Variants in CDH18 observed in about 807,000 individuals in gnomAD.
CDH18 encodes cadherin-18.
A neutral mutation model predicts 67.9 loss-of-function variants in CDH18; 31 were observed. That is an observed-to-expected ratio of 0.46 (90% confidence interval 0.34 to 0.62). CDH18 has a LOEUF of 0.62. Among genes scored for constraint, CDH18 ranks in the 20% least tolerant of loss-of-function variants. The probability of loss-of-function intolerance (pLI) is 0.01; values close to 1 mark genes in which losing one functional copy is unlikely to be tolerated. For synonymous variants in CDH18, 362 were observed against 347.2 expected, an observed-to-expected ratio of 1.04 and a Z score of -0.48; for missense variants, 890 against 975.5, an observed-to-expected ratio of 0.91 and a Z score of 1.17.
intron 1 of CDH18, among the ~76,000 whole-genome samples, chr5:20,389,464 T>C (rs570381230): frequency 6.6e-6 from 1 of 152,104 alleles, no homozygotes; most frequent in Admixed American, 6.6e-5. Flanking sequence ...GTGAGATGGG[T>C]TTCCTGAATA....
intron 2 of CDH18, among the ~76,000 whole-genome samples, chr5:20,214,494 G>C (rs576159184): frequency 6.6e-6 from 1 of 151,886 alleles, no homozygotes; most frequent in Admixed American, 6.6e-5. Flanking sequence ...AACATACATA[G>C]ACCAATGGAA....
At chr5:20,049,510 A>C (rs557480557) in intron 2 of CDH18, among the ~76,000 whole-genome samples, 1 of 151,890 alleles carries the variant, frequency 6.6e-6, no homozygotes, top group South Asian at 2.1e-4. Context: ...TAAAACGTAC[A>C]TAAAATGTTA....
At chr5:19,651,528 G>C (rs115428795) in intron 5 of CDH18, among the ~76,000 whole-genome samples, 1 of 152,008 alleles carries the variant, frequency 6.6e-6, no homozygotes, top group African/African-American at 2.4e-5. Flanking sequence ...TGTCAAAGAA[G>C]ACGTTAAGGG....
intron 2 of CDH18, among the ~76,000 whole-genome samples, chr5:20,206,532 A>C (rs150211507): frequency 6.6e-6 from 1 of 152,024 alleles, no homozygotes; most frequent in Non-Finnish European, 1.5e-5. Context: ...ACAAGAAAAA[A>C]GAAAAGTATA....
At chr5:19,770,759 T>C (rs1022513079) in intron 3 of CDH18, among the ~76,000 whole-genome samples, 27 of 152,232 alleles carry the variant, frequency 1.8e-4, no homozygotes, top group African/African-American at 5.8e-4. Flanking sequence ...AGAATTGCTA[T>C]GTACTCTTTT....
intron 5 of CDH18, among the ~76,000 whole-genome samples, chr5:19,679,322 C>G (rs1038324436): frequency 6.6e-6 from 1 of 151,834 alleles, no homozygotes; most frequent in South Asian, 2.1e-4. Flanking sequence ...TAGAAGCCAT[C>G]TATGAAAAAT....
At chr5:20,427,134 T>G (rs997197530) in intron 1 of CDH18, among the ~76,000 whole-genome samples, 1 of 151,204 alleles carries the variant, frequency 6.6e-6, no homozygotes, top group Non-Finnish European at 1.5e-5. Context: ...TTTGATATAT[T>G]ACATTTCGTT....
intron 11 of CDH18, among the ~76,000 whole-genome samples, chr5:19,497,134 C>CA (rs376699414): frequency 5.3e-4 from 77 of 144,688 alleles, no homozygotes; most frequent in East Asian, 8.1e-4. Context: ...CCCACCAGGA[C>CA]AAAAAAAAAG....
At position 19,769,271 on chromosome 5, in the gene CDH18, C is replaced by T. The variant is rs189534653; in HGVS notation, c.229-22035G>A. 4.6e-5 allele frequency among the ~76,000 whole-genome samples: 7 copies of T among 152,096 alleles called. No individual in the cohort carries two copies. The East Asian group carries it at 1.4e-3, about 29-fold the overall frequency. Reference sequence around the variant, plus strand: ...TATTGATATACATTGCTATCAAACTCCTAGAAGACAAAACAAAGCCAGAAT... The same window carrying T: ...TATTGATATACATTGCTATCAAACTTCTAGAAGACAAAACAAAGCCAGAAT... On this transcript the variant is annotated intron_variant, in intron 3 of 12. Coordinates refer to ENST00000382275, the MANE Select transcript of CDH18 (RefSeq NM_004934.5).
intron 7 of CDH18, among the ~76,000 whole-genome samples, chr5:19,573,710 C>T (rs1229876385): frequency 6.6e-6 from 1 of 152,172 alleles, no homozygotes; most frequent in African/African-American, 2.4e-5. Context: ...ATTTAAATAA[C>T]TCGTCCTAGA....
At chr5:19,645,827 G>A (rs1754654793) in intron 5 of CDH18, among the ~76,000 whole-genome samples, 1 of 152,084 alleles carries the variant, frequency 6.6e-6, no homozygotes, top group South Asian at 2.1e-4. Context: ...ACTTTCTCCT[G>A]AAAATCTTAA....
Position 19,593,707 on chromosome 5 carries a change from C to CCTCCTTCTTTTTCTTCTTCTT in CDH18, c.812-2464_812-2463insAAGAAGAAGAAAAAGAAGGAG. ...TCCTTCTCTTCCTCTTCCTCCTCCTCCTTCTTCTTCTTCTTCTTCTTCTTC... is the reference window on the plus strand; with the variant it reads ...TCCTTCTCTTCCTCTTCCTCCTCCTCCTCCTTCTTTTTCTTCTTCTTCTTCTTCTTCTTCTTCTTCTTCTTC... On this transcript the variant is annotated intron_variant, in intron 6 of 12. Coordinates refer to ENST00000382275, the MANE Select transcript of CDH18 (RefSeq NM_004934.5). 1.7e-3 allele frequency among the ~76,000 whole-genome samples: 57 copies of CCTCCTTCTTTTTCTTCTTCTT among 33,400 alleles called. 2 individuals are homozygous for CCTCCTTCTTTTTCTTCTTCTT. Among genetic ancestry groups the CCTCCTTCTTTTTCTTCTTCTT allele is most frequent in the African/African-American group, 6.3e-3 (54 of 8,620 alleles). The allele number at this position is 33,400 out of a possible 152,430, so 21.9% of individuals were successfully genotyped here. A position where few individuals can be genotyped will look rare whatever the true frequency, so the allele number is the denominator to read the frequency against.
chr5:20,023,405 T>C (rs1738593576), intron 2 of CDH18, among the ~76,000 whole-genome samples: 2 of 151,952 alleles, frequency 1.3e-5, no homozygotes, highest in Non-Finnish European at 2.9e-5. Context: ...GCTAGTTAAA[T>C]AAGAAAGGTA....
chr5:19,864,658 C>A (rs1323996705), intron 2 of CDH18, among the ~76,000 whole-genome samples: 1 of 152,142 alleles, frequency 6.6e-6, no homozygotes, highest in Non-Finnish European at 1.5e-5. Flanking sequence ...CACACATGTG[C>A]AAATCTTGGC....
At chr5:20,123,999 TA>T (rs1475378086) in intron 2 of CDH18, among the ~76,000 whole-genome samples, 2 of 151,980 alleles carry the variant, frequency 1.3e-5, no homozygotes, top group Admixed American at 1.3e-4. Flanking sequence ...GAACATACAG[TA>T]AAAACTATCC....
chr5:19,616,198 G>A (rs954317760), intron 5 of CDH18, among the ~76,000 whole-genome samples: 2 of 151,902 alleles, frequency 1.3e-5, no homozygotes, highest in Non-Finnish European at 2.9e-5. Flanking sequence ...CACAGCCTAC[G>A]TTCCATTCTC....
chr5:19,706,767 C>T (rs1273950760), intron 5 of CDH18, among the ~76,000 whole-genome samples: 8 of 152,138 alleles, frequency 5.3e-5, no homozygotes, highest in Non-Finnish European at 4.4e-5. Context: ...TACTGGTATC[C>T]CATATAATTC....
intron 3 of CDH18, among the ~76,000 whole-genome samples, chr5:19,754,155 C>T (rs778761393): frequency 6.6e-6 from 1 of 152,130 alleles, no homozygotes; most frequent in Non-Finnish European, 1.5e-5. Flanking sequence ...TGGTACCTCA[C>T]ATCTCAACAT....
At chr5:19,846,270 A>T (rs1782937579) in intron 2 of CDH18, among the ~76,000 whole-genome samples, 1 of 152,098 alleles carries the variant, frequency 6.6e-6, no homozygotes, top group Non-Finnish European at 1.5e-5. Context: ...ATATTCAATT[A>T]AATATAAAAA....
Sources: allele counts gnomAD v4.1 joint callset (sites outside exome capture counted in the v4.1 genomes callset), GRCh38; gene constraint gnomAD v4.1.1; transcripts MANE v1.5; gene names NCBI Gene and HGNC (gene_info 2026-07-23, HGNC 2026-07-21).